Variants in DOK6 observed in about 807,000 individuals in gnomAD.
DOK6 encodes the protein downstream of tyrosine kinase 6.
Under a neutral mutation model 44.0 loss-of-function variants are expected in DOK6, and 22 were observed. That is an observed-to-expected ratio of 0.50 (90% confidence interval 0.36 to 0.71). DOK6 has a LOEUF of 0.71. DOK6 is among the 30% of genes least tolerant of loss of function. The pLI is 0.00. For synonymous variants in DOK6, 166 were observed against 145.5 expected, an observed-to-expected ratio of 1.14 and a Z score of -1.01; for missense variants, 340 against 416.4, an observed-to-expected ratio of 0.82 and a Z score of 1.60.
At chr18:69,570,251 G>GA (rs894294952) in intron 2 of DOK6, among the ~76,000 whole-genome samples, 1 of 151,874 alleles carries the variant, frequency 6.6e-6, no homozygotes, top group Non-Finnish European at 1.5e-5. Context: ...GCAAAAAGGA[G>GA]AAAAAAGAGA....
intron 1 of DOK6, among the ~76,000 whole-genome samples, chr18:69,555,327 GA>G (rs1412543772): frequency 5.9e-5 from 9 of 152,060 alleles, no homozygotes; most frequent in Non-Finnish European, 1.2e-4. Context: ...ATGCTTTAAA[GA>G]GCAAAAATCT....
At chr18:69,759,595 A>G (rs938684384) in intron 7 of DOK6, among the ~76,000 whole-genome samples, 1 of 152,204 alleles carries the variant, frequency 6.6e-6, no homozygotes, top group Non-Finnish European at 1.5e-5. Context: ...TTCTGAAGAC[A>G]GAGCTAAGAT....
chr18:69,513,865 T>G (rs1036964368), intron 1 of DOK6, among the ~76,000 whole-genome samples: 1 of 152,190 alleles, frequency 6.6e-6, no homozygotes, highest in African/African-American at 2.4e-5. Flanking sequence ...CAATTTATAA[T>G]TAAAATATTA....
chr18:69,438,786 T>C (rs533995978), intron 1 of DOK6, among the ~76,000 whole-genome samples: 8 of 152,232 alleles, frequency 5.3e-5, no homozygotes, highest in African/African-American at 1.4e-4. Flanking sequence ...AAAATGACAA[T>C]TATCACCAGG....
intron 3 of DOK6, among the ~76,000 whole-genome samples, chr18:69,640,831 G>T (rs1173605398): frequency 6.6e-6 from 1 of 152,028 alleles, no homozygotes; most frequent in Admixed American, 6.6e-5. Context: ...GCTTAATAGT[G>T]GACTCTTCAA....
intron 2 of DOK6, among the ~76,000 whole-genome samples, chr18:69,583,659 G>A (rs1983419464): frequency 6.7e-6 from 1 of 150,300 alleles, no homozygotes; most frequent in African/African-American, 2.5e-5. Context: ...AAGCACCTCT[G>A]TAATCCCAGC....
chr18:69,617,893 A>G (rs7232234), intron 3 of DOK6, among the ~76,000 whole-genome samples: 144,803 of 152,154 alleles, frequency 0.95, 69,320 homozygotes, highest in East Asian at 1. Flanking sequence ...TGAATGTGAC[A>G]TTATGCAGAA....
intron 1 of DOK6, among the ~76,000 whole-genome samples, chr18:69,516,527 T>A (rs1414570656): frequency 6.6e-6 from 1 of 152,168 alleles, no homozygotes; most frequent in Non-Finnish European, 1.5e-5. Flanking sequence ...AACAATGAGA[T>A]GGTCATTAAA....
chr18:69,795,140 G>A (rs996310399), intron 7 of DOK6, among the ~76,000 whole-genome samples: 3 of 152,032 alleles, frequency 2.0e-5, no homozygotes, highest in South Asian at 2.1e-4. Context: ...AAGGTTGTGG[G>A]CGTCTGATAT....
chr18:69,497,949 C>G (rs1167929249), intron 1 of DOK6, among the ~76,000 whole-genome samples: 1 of 151,694 alleles, frequency 6.6e-6, no homozygotes, highest in African/African-American at 2.4e-5. Flanking sequence ...ATGATTGCAC[C>G]ACTGTACTCC....
At chr18:69,557,370 AAATAACGT>A (rs1982713264) in intron 1 of DOK6, among the ~76,000 whole-genome samples, 1 of 152,200 alleles carries the variant, frequency 6.6e-6, no homozygotes, top group South Asian at 2.1e-4. Flanking sequence ...AGTCCTAGCT[AAATAACGT>A]AATTACGGCT....
chr18:69,816,778 T>G (rs1332091962), intron 7 of DOK6, among the ~76,000 whole-genome samples: 7 of 152,316 alleles, frequency 4.6e-5, no homozygotes, highest in Non-Finnish European at 2.9e-5. Context: ...TCAGAGCCGC[T>G]GGTGGCGGAA....
At chr18:69,652,471 C>A (rs998876483) in intron 3 of DOK6, among the ~76,000 whole-genome samples, 1 of 152,206 alleles carries the variant, frequency 6.6e-6, no homozygotes, top group African/African-American at 2.4e-5. Context: ...AGCTGAGAGA[C>A]CAAAGAATGA....
chr18:69,746,453 G>T (rs2144744316), intron 6 of DOK6, among the ~76,000 whole-genome samples: 1 of 152,108 alleles, frequency 6.6e-6, no homozygotes, highest in South Asian at 2.1e-4. Context: ...AGAGCATTTT[G>T]CCATGTTTCC....
chr18:69,801,735 T>C (rs928561806), intron 7 of DOK6, among the ~76,000 whole-genome samples: 12 of 152,318 alleles, frequency 7.9e-5, no homozygotes, highest in Admixed American at 3.3e-4. Context: ...ATGTTTTAAT[T>C]ACCAAAAGTT....
intron 5 of DOK6, among the ~76,000 whole-genome samples, chr18:69,709,392 C>T (rs1399148884): frequency 6.6e-6 from 1 of 151,902 alleles, no homozygotes; most frequent in Non-Finnish European, 1.5e-5. Flanking sequence ...TAATTTTTTT[C>T]CCATTTTTTA....
At chr18:69,728,183 G>C (rs912528569) in intron 5 of DOK6, among the ~76,000 whole-genome samples, 1 of 152,218 alleles carries the variant, frequency 6.6e-6, no homozygotes, top group Non-Finnish European at 1.5e-5. Context: ...CCTGCAGCCA[G>C]ATGTAGGCAC....
At chr18:69,766,642 G>T (rs1210018341) in intron 7 of DOK6, among the ~76,000 whole-genome samples, 2 of 152,130 alleles carry the variant, frequency 1.3e-5, no homozygotes, top group East Asian at 1.9e-4. Flanking sequence ...ATTAAGTGGA[G>T]GTAGATCATT....
intron 5 of DOK6, among the ~76,000 whole-genome samples, chr18:69,731,807 G>A (rs768361623): frequency 7.2e-5 from 11 of 152,110 alleles, no homozygotes; most frequent in Non-Finnish European, 1.5e-4. Context: ...TTAAATTCAC[G>A]TTAAAAGGAA....
Sources: allele counts gnomAD v4.1 joint callset (sites outside exome capture counted in the v4.1 genomes callset), GRCh38; gene constraint gnomAD v4.1.1; transcripts MANE v1.5; gene names NCBI Gene and HGNC (gene_info 2026-07-23, HGNC 2026-07-21).